Variants in SRPK2 observed in about 807,000 individuals in gnomAD.
SRPK2 encodes the protein SRSF protein kinase 2, also known as SFRS protein kinase 2.
A neutral mutation model predicts 90.8 loss-of-function variants in SRPK2; 21 were observed. The ratio of observed to expected loss-of-function variants is 0.23; its 90% CI spans 0.16 to 0.33. SRPK2 has a LOEUF of 0.33. Ranked by LOEUF, SRPK2 falls within the 10% of genes least tolerant of loss-of-function variation. The pLI is 1.00. For synonymous variants in SRPK2, 288 were observed against 311.1 expected, an observed-to-expected ratio of 0.93 and a Z score of 0.78; for missense variants, 620 against 869.0, an observed-to-expected ratio of 0.71 and a Z score of 3.60.
At chr7:105,295,914 A>C (rs1454481002) in intron 2 of SRPK2, among the ~76,000 whole-genome samples, 2 of 152,200 alleles carry the variant, frequency 1.3e-5, no homozygotes, top group African/African-American at 2.4e-5. Context: ...TCAAATTCTC[A>C]GTATACAGGA....
At chr7:105,160,265 G>A (rs1199621765) in intron 7 of SRPK2, 17 of 264,634 alleles carry the variant, frequency 6.4e-5, no homozygotes, top group African/African-American at 2.0e-4. Context: ...AAAAAAAAAC[G>A]ACAGGCAAAA....
intron 9 of SRPK2, 130 bp from the exon 10 acceptor site, chr7:105,143,460 C>A: frequency 8.7e-7 from 1 of 1,154,392 alleles, no homozygotes; most frequent in Non-Finnish European, 1.2e-6. Flanking sequence ...ATCCCAAACC[C>A]AGACAGATCC....
chr7:105,117,934 T>G lies in SRPK2; in HGVS notation c.2004A>C (p.Ala668=), dbSNP rs1427004938. Residue 668 remains alanine, a synonymous_variant, in exon 16 of 16, where the codon GCA becomes GCC. Coordinates refer to ENST00000393651, the MANE Select transcript of SRPK2 (RefSeq NM_182692.3). The part of the protein sequence containing the change: ...EKYGWPHEDA[A]QFTDFLIPML... ...TCGGGATCAGGAAATCTGTAAACTG[T>G]GCAGCATCTTCATGGGGCCAGCCAT... 6.2e-7 allele frequency: 1 copy of G among 1,614,072 alleles called. No homozygotes were observed. Among genetic ancestry groups the G allele is most frequent in the Non-Finnish European group, 8.5e-7 (1 of 1,180,038 alleles).
rs57131530 is a variant in SRPK2, at chr7:105,289,100, CA to C, written c.72-85316del. Among the ~76,000 whole-genome samples, 411 of 86,626 alleles carry C rather than the reference CA, an allele frequency of 4.7e-3. 1 individual carries two copies. Among genetic ancestry groups the C allele is most frequent in the Middle Eastern group, 0.018 (2 of 112 alleles). The allele number at this position is 86,626 out of a possible 152,430, so 56.8% of individuals were successfully genotyped here. On this transcript the variant is annotated intron_variant, in intron 2 of 15. Transcript: ENST00000393651. ...TGAAACCCCATCTCTACTTAAAGCA[CA>C]AAAAAAAAAAAAAAAAAAAAAAATT...
At chr7:105,374,739 G>C (rs1471986562) in intron 2 of SRPK2, among the ~76,000 whole-genome samples, 1 of 151,954 alleles carries the variant, frequency 6.6e-6, no homozygotes, top group African/African-American at 2.4e-5. Flanking sequence ...GGAGGAGCTG[G>C]GAAGGGATTA....
chr7:105,217,426 TTC>T (rs1385661215), intron 2 of SRPK2, among the ~76,000 whole-genome samples: 2 of 152,218 alleles, frequency 1.3e-5, no homozygotes, highest in Non-Finnish European at 2.9e-5. Flanking sequence ...CTATAAATTA[TTC>T]TCTCTTGCAT....
chr7:105,325,007 C>A (rs1813399264), intron 2 of SRPK2, among the ~76,000 whole-genome samples: 1 of 152,196 alleles, frequency 6.6e-6, no homozygotes, highest in South Asian at 2.1e-4. Flanking sequence ...TGGAGCCATT[C>A]ATTATTAACA....
intron 13 of SRPK2, among the ~76,000 whole-genome samples, chr7:105,128,117 T>C (rs1801467636): frequency 6.6e-6 from 1 of 152,146 alleles, no homozygotes. Context: ...GCACTGTCTT[T>C]AACAAACCAA....
chr7:105,153,134 C>T (rs1048965900), intron 7 of SRPK2, among the ~76,000 whole-genome samples: 3 of 152,144 alleles, frequency 2.0e-5, no homozygotes, highest in African/African-American at 7.2e-5. Context: ...CCAGACGAGC[C>T]AGGGACGTGA....
chr7:105,306,687 A>G (rs1294260965), intron 2 of SRPK2: 4 of 342,324 alleles, frequency 1.2e-5, no homozygotes, highest in Non-Finnish European at 2.3e-5. Context: ...TCATTTACAA[A>G]TATCTTTATC....
At chr7:105,336,813 G>GT (rs1391663410) in intron 2 of SRPK2, among the ~76,000 whole-genome samples, 6 of 151,996 alleles carry the variant, frequency 3.9e-5, no homozygotes, top group Non-Finnish European at 8.8e-5. Flanking sequence ...TCTGTTTTTT[G>GT]TTTTTTTGAG....
intron 2 of SRPK2, among the ~76,000 whole-genome samples, chr7:105,324,416 A>G (rs1288658097): frequency 1.3e-5 from 2 of 151,738 alleles, no homozygotes; most frequent in African/African-American, 2.4e-5. Context: ...TCTGCCTCCC[A>G]AGTTCAAACA....
At chr7:105,173,495 G>A (rs1188647900) in intron 3 of SRPK2, among the ~76,000 whole-genome samples, 2 of 152,052 alleles carry the variant, frequency 1.3e-5, no homozygotes, top group Non-Finnish European at 2.9e-5. Flanking sequence ...CAGAAGAGTG[G>A]TCTCTGTCCC....
intron 2 of SRPK2, among the ~76,000 whole-genome samples, chr7:105,251,018 G>A (rs951831645): frequency 1.3e-5 from 2 of 152,186 alleles, no homozygotes; most frequent in African/African-American, 4.8e-5. Flanking sequence ...TCAGGGGTAC[G>A]TGGCAGTGGA....
At position 105,331,223 on chromosome 7, in the gene SRPK2, C is replaced by A. The variant is rs1368427715; in HGVS notation, c.71+57425G>T. ...ACGTGGGAGGCTGAGGCAGGAGAATCACTTGAACCTCGGAGGCAGAGGTTG... is the reference window on the plus strand; with the variant it reads ...ACGTGGGAGGCTGAGGCAGGAGAATAACTTGAACCTCGGAGGCAGAGGTTG... On this transcript the variant is annotated intron_variant, in intron 2 of 15. Coordinates refer to ENST00000393651, the MANE Select transcript of SRPK2 (RefSeq NM_182692.3). Among the ~76,000 whole-genome samples, 4 of 136,510 alleles carry A rather than the reference C, an allele frequency of 2.9e-5. No homozygotes were observed. The Admixed American group carries it at 3.4e-4, about 11-fold the overall frequency. The allele number at this position is 136,510 out of a possible 152,430, so 89.6% of individuals were successfully genotyped here.
At chr7:105,326,359 T>C (rs1813595534) in intron 2 of SRPK2, among the ~76,000 whole-genome samples, 7 of 152,218 alleles carry the variant, frequency 4.6e-5, no homozygotes, top group Admixed American at 4.6e-4. Flanking sequence ...AAAGGCATAG[T>C]ACAAAGAACT....
At chr7:105,153,252 G>T (rs943017038) in intron 7 of SRPK2, among the ~76,000 whole-genome samples, 6 of 152,154 alleles carry the variant, frequency 3.9e-5, no homozygotes, top group African/African-American at 1.4e-4. Context: ...GGAAAAGAAG[G>T]CTAAGTCTAG....
chr7:105,141,879 A>G, intron 11 of SRPK2, 129 bp downstream of exon 11: 3 of 1,005,344 alleles, frequency 3.0e-6, no homozygotes, highest in South Asian at 2.1e-5. Flanking sequence ...CAGGAGTATA[A>G]AAGTAATAAA....
intron 9 of SRPK2, chr7:105,143,915 TTCAA>T (rs1200746803): frequency 6.6e-6 from 1 of 152,478 alleles, no homozygotes; most frequent in African/African-American, 2.4e-5. Context: ...CCTCCAACCT[TTCAA>T]TCAATCAGTA....
Sources: gnomAD v4.1 joint callset for allele counts (sites outside exome capture counted in the v4.1 genomes callset) on GRCh38, gnomAD v4.1.1 for gene constraint, MANE v1.5 for transcripts, NCBI Gene and HGNC (gene_info 2026-07-23, HGNC 2026-07-21) for gene names.